PPP1R14C: variants seen among roughly 807,000 people sequenced by gnomAD.
PPP1R14C encodes protein phosphatase 1 regulatory subunit 14C.
Under a neutral mutation model 20.4 loss-of-function variants are expected in PPP1R14C, and 16 were observed. The ratio of observed to expected loss-of-function variants is 0.78; its 90% CI spans 0.53 to 1.19. The LOEUF (loss-of-function observed/expected upper bound fraction) is 1.19, where lower values mean the gene tolerates loss of function less well. Among genes scored for constraint, PPP1R14C ranks in the 50% most tolerant of loss-of-function variants. The pLI is 0.00. For synonymous variants in PPP1R14C, 91 were observed against 91.0 expected, an observed-to-expected ratio of 1.00 and a Z score of 0.00; for missense variants, 211 against 220.1, an observed-to-expected ratio of 0.96 and a Z score of 0.26.
intron 1 of PPP1R14C, among the ~76,000 whole-genome samples, chr6:150,212,434 A>G (rs1778037539): frequency 6.6e-6 from 1 of 150,780 alleles, no homozygotes; most frequent in African/African-American, 2.4e-5. Context: ...GAAGATGCCT[A>G]CTGTGTAGGG....
intron 1 of PPP1R14C, among the ~76,000 whole-genome samples, chr6:150,213,699 A>G (rs1423601146): frequency 6.6e-6 from 1 of 152,242 alleles, no homozygotes; most frequent in Non-Finnish European, 1.5e-5. Flanking sequence ...TATAGAGAAG[A>G]CTTAGGTAAC....
intron 1 of PPP1R14C, among the ~76,000 whole-genome samples, chr6:150,152,730 C>A (rs935576117): frequency 6.6e-6 from 1 of 152,192 alleles, no homozygotes; most frequent in Non-Finnish European, 1.5e-5. Flanking sequence ...TTCTGTAATC[C>A]TGTCTCCCAC....
chr6:150,160,793 T>G (rs1275397698), intron 1 of PPP1R14C, among the ~76,000 whole-genome samples: 1 of 152,150 alleles, frequency 6.6e-6, no homozygotes, highest in Non-Finnish European at 1.5e-5. Context: ...CTTTGGCTAT[T>G]GCGAGCTGTT....
rs373546756 is a variant in PPP1R14C, at chr6:150,249,458, A to G, written c.*638A>G. On this transcript the variant is annotated 3_prime_UTR_variant, in exon 4 of 4. Coordinates refer to ENST00000361131, the MANE Select transcript of PPP1R14C (RefSeq NM_030949.3). ...AGTGTATCCGTTATTTTAATGCACTACACCACAGAAATGTTAAGTTGGTCA... is the reference window on the plus strand; with the variant it reads ...AGTGTATCCGTTATTTTAATGCACTGCACCACAGAAATGTTAAGTTGGTCA... 24 of 398,666 alleles carry G rather than the reference A, an allele frequency of 6.0e-5. No homozygotes were observed. In the East Asian group the frequency reaches 7.5e-4, roughly 12 times the overall value. The allele number at this position is 398,666 out of a possible 1,614,324, so 24.7% of individuals were successfully genotyped here.
intron 3 of PPP1R14C, among the ~76,000 whole-genome samples, chr6:150,233,438 A>G (rs907701645): frequency 9.2e-5 from 14 of 152,232 alleles, no homozygotes; most frequent in Non-Finnish European, 1.8e-4. Flanking sequence ...AAACTTCTAA[A>G]TAAAGACCCC....
chr6:150,248,658 T>C, intron 3 of PPP1R14C, 88 bp from the exon 4 acceptor site: 2 of 826,594 alleles, frequency 2.4e-6, no homozygotes, highest in Non-Finnish European at 4.1e-6. Context: ...TAAGGTTAAC[T>C]GCAGTTGACA....
chr6:150,153,357 AC>A (rs1369000698), intron 1 of PPP1R14C, among the ~76,000 whole-genome samples: 3 of 152,168 alleles, frequency 2.0e-5, no homozygotes, highest in African/African-American at 7.2e-5. Context: ...AGTCCTTTGA[AC>A]CTCTGAACTA....
intron 3 of PPP1R14C, among the ~76,000 whole-genome samples, chr6:150,240,989 A>G (rs189387197): frequency 4.5e-4 from 69 of 151,906 alleles, no homozygotes; most frequent in African/African-American, 1.5e-3. Flanking sequence ...CAGATCTCCT[A>G]ATCTGTTGGA....
intron 1 of PPP1R14C, among the ~76,000 whole-genome samples, chr6:150,156,902 AC>A (rs1158771695): frequency 2.6e-5 from 4 of 152,236 alleles, no homozygotes; most frequent in Non-Finnish European, 5.9e-5. Context: ...GATAATGAAA[AC>A]TTGTCTGTAC....
At chr6:150,214,147 A>T (rs1228159012) in intron 1 of PPP1R14C, among the ~76,000 whole-genome samples, 1 of 152,198 alleles carries the variant, frequency 6.6e-6, no homozygotes, top group Non-Finnish European at 1.5e-5. Context: ...GTCTTCTCTT[A>T]AATCAGTAAC....
chr6:150,143,513 G>A lies in PPP1R14C; in HGVS notation c.306+15G>A. The A allele has an allele frequency of 1.3e-6, 2 of 1,514,000 alleles. No individual in the cohort carries two copies. Among genetic ancestry groups the A allele is most frequent in the Non-Finnish European group, 9.0e-7 (1 of 1,110,030 alleles). The allele number at this position is 1,514,000 out of a possible 1,614,324, so 93.8% of individuals were successfully genotyped here. On this transcript the variant is annotated intron_variant, in intron 1 of 3. Coordinates refer to ENST00000361131, the MANE Select transcript of PPP1R14C (RefSeq NM_030949.3). The surrounding 1 kb of genome is among the most constrained non-coding windows in gnomAD (Gnocchi z 5.6). ...ACGGCTGCGAGGTACCTGGGCGCGGGGCTGGGAGGGTCGGGGACCTCTCTA... is the reference window on the plus strand; with the variant it reads ...ACGGCTGCGAGGTACCTGGGCGCGGAGCTGGGAGGGTCGGGGACCTCTCTA...
chr6:150,156,381 T>A (rs996262976), intron 1 of PPP1R14C, among the ~76,000 whole-genome samples: 17 of 152,272 alleles, frequency 1.1e-4, no homozygotes, highest in African/African-American at 4.1e-4. Flanking sequence ...GGTTTGCTTA[T>A]GCTAAATGAT....
chr6:150,243,493 A>G (rs1778457040), intron 3 of PPP1R14C, among the ~76,000 whole-genome samples: 1 of 152,134 alleles, frequency 6.6e-6, no homozygotes, highest in Non-Finnish European at 1.5e-5. Flanking sequence ...GCTCTTAAGG[A>G]AATTTAAAGG....
intron 1 of PPP1R14C, among the ~76,000 whole-genome samples, chr6:150,188,336 A>G (rs1228064403): frequency 6.6e-6 from 1 of 152,218 alleles, no homozygotes; most frequent in East Asian, 1.9e-4. Flanking sequence ...TTTATACAAC[A>G]CATTCTAAAA....
intron 1 of PPP1R14C, among the ~76,000 whole-genome samples, chr6:150,208,992 C>T (rs1488537152): frequency 1.3e-5 from 2 of 152,108 alleles, no homozygotes; most frequent in Non-Finnish European, 2.9e-5. Context: ...CTTCCTATGC[C>T]AGTTTGCTCC....
chr6:150,238,000 A>C (rs116122175), intron 3 of PPP1R14C, among the ~76,000 whole-genome samples: 4,300 of 152,306 alleles, frequency 0.028, 189 homozygotes, highest in African/African-American at 0.097. Context: ...TCCTCAGGAC[A>C]CACGGCCCCA....
In PPP1R14C at chr6:150,239,578, T is replaced by C. The variant is rs138529547; in HGVS notation, c.424-9168T>C. Among the ~76,000 whole-genome samples the C allele has an allele frequency of 2.4e-3, 371 of 152,308 alleles. 1 individual carries two copies. Among genetic ancestry groups the C allele is most frequent in the African/African-American group, 7.5e-3 (311 of 41,574 alleles). ...AATGTGTGAGATGCCACTAAAGCAA[T>C]GCTTAGTGCTGCTGGGGGTGGGGGA... is the stretch of plus-strand genomic sequence containing the variant. On this transcript the variant is annotated intron_variant, in intron 3 of 3. Transcript: ENST00000361131.
intron 1 of PPP1R14C, among the ~76,000 whole-genome samples, chr6:150,193,428 T>C (rs1328169171): frequency 6.6e-6 from 1 of 151,632 alleles, no homozygotes; most frequent in Admixed American, 6.6e-5. Context: ...AGAATTGGAG[T>C]GTGTAGATGT....
At chr6:150,213,576 C>T (rs1778054408) in intron 1 of PPP1R14C, among the ~76,000 whole-genome samples, 1 of 152,226 alleles carries the variant, frequency 6.6e-6, no homozygotes, top group Non-Finnish European at 1.5e-5. Context: ...GCTTCTCAGC[C>T]ATCCCTGTGG....
Sources: allele counts gnomAD v4.1 joint callset (sites outside exome capture counted in the v4.1 genomes callset), GRCh38; gene constraint gnomAD v4.1.1; non-coding constraint Gnocchi (gnomAD v3.1); transcripts MANE v1.5; gene names NCBI Gene and HGNC (gene_info 2026-07-23, HGNC 2026-07-21).